The following DLGAP2 variants were observed in gnomAD, a reference collection of about 807,000 sequenced individuals.
The protein encoded by DLGAP2 is disks large-associated protein 2.
DLGAP2 carries 26 observed loss-of-function variants against 100.3 expected under a neutral mutation model. The ratio of observed to expected loss-of-function variants is 0.26; its 90% CI spans 0.19 to 0.36. The LOEUF (loss-of-function observed/expected upper bound fraction) is 0.36, where lower values mean the gene tolerates loss of function less well. Ranked by LOEUF, DLGAP2 falls within the 10% of genes least tolerant of loss-of-function variation. The pLI is 1.00. For missense variants in DLGAP2, 1,858 were observed against 1,453.2 expected, an observed-to-expected ratio of 1.28 and a Z score of -4.53; for synonymous variants, 886 against 630.1, an observed-to-expected ratio of 1.41 and a Z score of -6.08.
chr8:1,446,055 G>A (rs1178065924), intron 3 of DLGAP2, among the ~76,000 whole-genome samples: 11 of 151,828 alleles, frequency 7.2e-5, no homozygotes, highest in African/African-American at 1.2e-4. Context: ...TGTTCACTCT[G>A]ATGGTAGTTT....
At chr8:1,267,920 A>C (rs1341121747) in intron 3 of DLGAP2, among the ~76,000 whole-genome samples, 2 of 152,094 alleles carry the variant, frequency 1.3e-5, no homozygotes, top group African/African-American at 2.4e-5. Flanking sequence ...CAAATACATA[A>C]AGCTGGCTTC....
intron 1 of DLGAP2, among the ~76,000 whole-genome samples, chr8:826,004 C>T (rs530921080): frequency 1.3e-5 from 2 of 149,012 alleles, no homozygotes; most frequent in African/African-American, 2.5e-5. Flanking sequence ...CCCTGGGAAC[C>T]GTACTTCTTC....
chr8:828,098 C>T (rs1177833026), intron 1 of DLGAP2, among the ~76,000 whole-genome samples: 2 of 152,050 alleles, frequency 1.3e-5, no homozygotes, highest in East Asian at 1.9e-4. Flanking sequence ...GGAGGCACGG[C>T]GAGATCACAG....
intron 2 of DLGAP2, among the ~76,000 whole-genome samples, chr8:1,166,414 A>G (rs117035734): frequency 0.032 from 4,924 of 152,316 alleles, 120 homozygotes; most frequent in Non-Finnish European, 0.054. Flanking sequence ...GACTTCTGAT[A>G]GCTCAAGCTC....
chr8:1,528,803 C>G (rs1439946547), intron 4 of DLGAP2, among the ~76,000 whole-genome samples: 1 of 152,182 alleles, frequency 6.6e-6, no homozygotes, highest in Non-Finnish European at 1.5e-5. Context: ...GTCCTGCCAT[C>G]TTAAGGAAGG....
chr8:824,543 G>A (rs1796650262), intron 1 of DLGAP2, among the ~76,000 whole-genome samples: 1 of 152,064 alleles, frequency 6.6e-6, no homozygotes, highest in African/African-American at 2.4e-5. Flanking sequence ...CCCAGTATTC[G>A]TGACTCCTGT....
At chr8:864,848 A>G (rs1797464850) in intron 1 of DLGAP2, among the ~76,000 whole-genome samples, 1 of 152,218 alleles carries the variant, frequency 6.6e-6, no homozygotes, top group Non-Finnish European at 1.5e-5. Context: ...TAATATTTAT[A>G]TTGGTCAGTG....
chr8:1,448,261 T>C (rs558878119), intron 3 of DLGAP2, among the ~76,000 whole-genome samples: 8 of 152,338 alleles, frequency 5.3e-5, no homozygotes, highest in South Asian at 2.1e-4. Context: ...GCTTTGAATG[T>C]GTCCCAGAGA....
intron 3 of DLGAP2, among the ~76,000 whole-genome samples, chr8:1,436,065 AGG>A (rs1797614103): frequency 1.3e-5 from 2 of 152,172 alleles, no homozygotes; most frequent in Non-Finnish European, 2.9e-5. Context: ...GGTTCTCTAG[AGG>A]GACAGGACTA....
At position 1,429,770 on chromosome 8, in the gene DLGAP2, ATATTCAGTGCATGCTTCACAC is replaced by A. The variant is rs1482725375; in HGVS notation, c.107-71594_107-71574del. ...AGTGCTTTCCATTTACACATAGAGG[ATATTCAGTGCATGCTTCACAC>A]TGAGGCAGAAAAGCAGGGTTTTTCT... On this transcript the variant is annotated intron_variant, in intron 3 of 14. Transcript: ENST00000637795. Among the ~76,000 whole-genome samples, 4 of 151,180 alleles carry A rather than the reference ATATTCAGTGCATGCTTCACAC, an allele frequency of 2.6e-5. No individual in the cohort carries two copies. The East Asian group carries it at 7.8e-4, about 30-fold the overall frequency.
At chr8:821,402 A>C (rs556888757) in intron 1 of DLGAP2, among the ~76,000 whole-genome samples, 3 of 152,304 alleles carry the variant, frequency 2.0e-5, no homozygotes, top group Admixed American at 2.0e-4. Flanking sequence ...TATCAACCTA[A>C]TAAGTCTCCT....
chr8:1,022,777 A>G (rs113501961), intron 2 of DLGAP2, among the ~76,000 whole-genome samples: 23 of 137,000 alleles, frequency 1.7e-4, no homozygotes, highest in Non-Finnish European at 3.2e-4. Flanking sequence ...GGACAGTCCC[A>G]TGCCGAGGTA....
At chr8:1,530,230 G>C (rs1053044555) in intron 4 of DLGAP2, among the ~76,000 whole-genome samples, 2 of 152,072 alleles carry the variant, frequency 1.3e-5, no homozygotes, top group Non-Finnish European at 2.9e-5. Context: ...GGTGCACCTG[G>C]GGGGGCTGTT....
intron 1 of DLGAP2, among the ~76,000 whole-genome samples, chr8:885,666 A>C (rs1797908413): frequency 6.6e-6 from 1 of 152,180 alleles, no homozygotes; most frequent in Non-Finnish European, 1.5e-5. Context: ...TATTTGAATA[A>C]GAGTGATGAG....
intron 11 of DLGAP2, 114 bp from the exon 12 acceptor site, chr8:1,678,100 T>C: frequency 5.7e-6 from 7 of 1,238,500 alleles, no homozygotes; most frequent in Non-Finnish European, 6.7e-6. Context: ...TACCTGCCCT[T>C]GAGCCGCCAG....
At chr8:849,691 C>G (rs1357493518) in intron 1 of DLGAP2, among the ~76,000 whole-genome samples, 1 of 152,162 alleles carries the variant, frequency 6.6e-6, no homozygotes, top group African/African-American at 2.4e-5. Flanking sequence ...TGCATTTCCC[C>G]TGATAACTGA....
chr8:1,102,351 A>G (rs1396260120), intron 2 of DLGAP2, among the ~76,000 whole-genome samples: 4 of 147,754 alleles, frequency 2.7e-5, no homozygotes. Flanking sequence ...ATTATATATT[A>G]TATATCTATT....
At chr8:1,683,507 C>G (rs1202608900) in intron 12 of DLGAP2, among the ~76,000 whole-genome samples, 1 of 151,246 alleles carries the variant, frequency 6.6e-6, no homozygotes, top group African/African-American at 2.4e-5. Flanking sequence ...GCCTAAAGCT[C>G]CGCACCTCTG....
chr8:1,595,635 CCGCAG>C (rs1796431030), intron 6 of DLGAP2, among the ~76,000 whole-genome samples: 8 of 147,838 alleles, frequency 5.4e-5, no homozygotes, highest in East Asian at 2.0e-4. Context: ...CCACTGCAGT[CCGCAG>C]TCCCGCCTGG....
Sources: allele counts gnomAD v4.1 joint callset (sites outside exome capture counted in the v4.1 genomes callset), GRCh38; gene constraint gnomAD v4.1.1; transcripts MANE v1.5; gene names NCBI Gene and HGNC (gene_info 2026-07-23, HGNC 2026-07-21).